NTNG2: variants seen among roughly 807,000 people sequenced by gnomAD.
NTNG2 encodes netrin-G2.
Under a neutral mutation model 47.6 loss-of-function variants are expected in NTNG2, and 15 were observed. That is an observed-to-expected ratio of 0.32 (90% CI 0.21 to 0.49). The LOEUF (loss-of-function observed/expected upper bound fraction) is 0.49. Among genes scored for constraint, NTNG2 ranks in the 20% least tolerant of loss-of-function variants. The probability of loss-of-function intolerance (pLI) is 0.99; values close to 1 mark genes in which losing one functional copy is unlikely to be tolerated. For missense variants in NTNG2, 578 were observed against 764.6 expected (o/e 0.76, Z 2.88); for synonymous variants, 307 against 324.6 (o/e 0.95, Z 0.58).
intron 1 of NTNG2, among the ~76,000 whole-genome samples, chr9:132,164,133 T>C (rs1418953458): frequency 1.3e-5 from 2 of 152,202 alleles, no homozygotes; most frequent in African/African-American, 4.8e-5. Flanking sequence ...AGCTCGTAAT[T>C]CCCCCTGCGA....
intron 2 of NTNG2, among the ~76,000 whole-genome samples, chr9:132,196,618 C>T (rs1178821454): frequency 6.6e-6 from 1 of 152,234 alleles, no homozygotes; most frequent in Non-Finnish European, 1.5e-5. Flanking sequence ...CTGGGGACCA[C>T]TACGTTAGTG....
chr9:132,166,731 G>A lies in NTNG2; in HGVS notation c.-101G>A. 9.0e-7 allele frequency: 1 copy of A among 1,115,628 alleles called. No homozygotes were observed. Among genetic ancestry groups the A allele is most frequent in the Admixed American group, 1.7e-5 (1 of 58,152 alleles). The allele number at this position is 1,115,628 out of a possible 1,614,324, so 69.1% of individuals were successfully genotyped here. A position where few individuals can be genotyped will look rare whatever the true frequency, so the allele number is the denominator to read the frequency against. On this transcript the variant is annotated 5_prime_UTR_variant, in exon 2 of 8. Coordinates refer to ENST00000393229, the MANE Select transcript of NTNG2 (RefSeq NM_032536.4). ...TGGGACACCCCGGCCACCCTCGCCT[G>A]GTAGATGTGGCATTTCCATGCTGAG...
intron 3 of NTNG2, among the ~76,000 whole-genome samples, chr9:132,204,486 G>C (rs1050400444): frequency 6.6e-6 from 1 of 152,052 alleles, no homozygotes; most frequent in Non-Finnish European, 1.5e-5. Flanking sequence ...AGAGACAGGC[G>C]ATTTCAGCCA....
chr9:132,236,335 C>T lies in NTNG2; in HGVS notation c.1055-2769C>T, dbSNP rs966834372. 2.6e-5 allele frequency among the ~76,000 whole-genome samples: 4 copies of T among 152,160 alleles called. No homozygotes were observed. Among genetic ancestry groups the T allele is most frequent in the African/African-American group, 4.8e-5 (2 of 41,436 alleles). On this transcript the variant is annotated intron_variant, in intron 5 of 7. Transcript: ENST00000393229. The surrounding 1 kb of genome is among the most constrained non-coding windows in gnomAD (Gnocchi z 4.3). ...GGAAGACACTGACATCCTCCTGCTA[C>T]GTGGGAGGAGACACAGGGCTCATCT... is the stretch of plus-strand genomic sequence containing the variant.
chr9:132,166,809 G>A lies in NTNG2; in HGVS notation c.-23G>A, dbSNP rs147944672. 688 of 1,611,342 alleles carry A rather than the reference G, an allele frequency of 4.3e-4. 8 individuals are homozygous for A. The East Asian group carries it at 0.014, about 33-fold the overall frequency. On this transcript the variant is annotated 5_prime_UTR_variant, in exon 2 of 8. Coordinates refer to ENST00000393229, the MANE Select transcript of NTNG2 (RefSeq NM_032536.4). ...TGCCTCTCCAGGGCTTCTCTGGGCC[G>A]CGCCTCTGCAGACTGCGCAGCCATG...
rs201159599 is a variant in NTNG2 at position 132,166,825 on chromosome 9, C to A, written c.-7C>A. ...CTCTGGGCCGCGCCTCTGCAGACTG[C>A]GCAGCCATGCTGCATCTGCTGGCGC... On this transcript the variant is annotated 5_prime_UTR_variant, in exon 2 of 8. Transcript: ENST00000393229. 1.2e-6 allele frequency: 2 copies of A among 1,613,120 alleles called. No individual in the cohort carries two copies. The highest frequency in any genetic ancestry group is 1.7e-6 in the Non-Finnish European group (2 of 1,179,566).
intron 2 of NTNG2, among the ~76,000 whole-genome samples, chr9:132,174,142 C>T (rs1375133934): frequency 7.6e-6 from 1 of 131,754 alleles, no homozygotes; most frequent in Non-Finnish European, 1.5e-5. Flanking sequence ...ATAGGCAGGC[C>T]GCACCATGCT....
intron 2 of NTNG2, among the ~76,000 whole-genome samples, chr9:132,188,490 G>A (rs1449264230): frequency 6.6e-6 from 1 of 152,176 alleles, no homozygotes; most frequent in Admixed American, 6.5e-5. Flanking sequence ...AGCTGCTGCC[G>A]AGCCGCATGA....
At chr9:132,227,139 G>A in intron 4 of NTNG2, 118 bp downstream of exon 4, 1 of 1,102,440 alleles carries the variant, frequency 9.1e-7, no homozygotes, top group Non-Finnish European at 1.3e-6. Flanking sequence ...ACATACGTGT[G>A]CACATGCATG....
Position 132,198,596 on chromosome 9 carries a change from G to A in NTNG2, c.844G>A (p.Glu282Lys). The change falls in exon 3 of 8, where the codon GAG (glutamate) becomes AAG (lysine). Residue 282 changes from glutamate (E) to lysine (K), a missense_variant. Transcript: ENST00000393229. The part of the protein sequence containing the change: ...YKYFYAISNI[E>K]VIGRCKCNLH... ...GTACTTCTACGCCATCTCCAACATC[G>A]AGGTCATCGGCAGGTAAGGCCGGGG... 6.2e-7 allele frequency: 1 copy of A among 1,607,212 alleles called. No individual in the cohort carries two copies. The highest frequency in any genetic ancestry group is 1.3e-5 in the African/African-American group (1 of 74,954).
rs1439488540 is a variant in NTNG2, at chr9:132,162,997, G to GGGC, written c.-484+768_-484+770dup. Reference sequence around the variant, plus strand: ...GGAGTAAGTTGGCCGTCTGGGCTGGGGGCGGCGGCGGCCGGGTCGCCACAG... The same window carrying GGGC: ...GGAGTAAGTTGGCCGTCTGGGCTGGGGGCGGCGGCGGCGGCCGGGTCGCCACAG... On this transcript the variant is annotated intron_variant, in intron 1 of 7. Coordinates refer to ENST00000393229, the MANE Select transcript of NTNG2 (RefSeq NM_032536.4). The surrounding 1 kb of genome is among the most constrained non-coding windows in gnomAD (Gnocchi z 4.6). 1.3e-5 allele frequency among the ~76,000 whole-genome samples: 2 copies of GGGC among 152,144 alleles called. No individual in the cohort carries two copies. Among genetic ancestry groups the GGGC allele is most frequent in the Non-Finnish European group, 2.9e-5 (2 of 68,010 alleles).
Position 132,197,873 on chromosome 9 carries a change from C to A in NTNG2, c.214-93C>A. The A allele has an allele frequency of 1.6e-6, 2 of 1,253,588 alleles. No individual in the cohort carries two copies. The highest frequency in any genetic ancestry group is 2.2e-6 in the Non-Finnish European group (2 of 915,070). 77.7% of individuals were successfully genotyped at this position (1,253,588 alleles called of 1,614,324 possible). ...CCCTGTAGCCACAGAGCAGGTTTCT[C>A]GGTTCGCAGGCAGGGGCTAGGCCGC... On this transcript the variant is annotated intron_variant, in intron 2 of 7. Coordinates refer to ENST00000393229, the MANE Select transcript of NTNG2 (RefSeq NM_032536.4). The surrounding 1 kb of genome is among the most constrained non-coding windows in gnomAD (Gnocchi z 4.3).
At chr9:132,205,873 T>G (rs1481700006) in intron 3 of NTNG2, among the ~76,000 whole-genome samples, 3 of 151,860 alleles carry the variant, frequency 2.0e-5, no homozygotes, top group Non-Finnish European at 1.5e-5. Flanking sequence ...AGAGAGAGAC[T>G]CCATCTCAAA....
At chr9:132,210,875 T>C (rs1054899404) in intron 3 of NTNG2, among the ~76,000 whole-genome samples, 7 of 151,748 alleles carry the variant, frequency 4.6e-5, no homozygotes, top group African/African-American at 7.3e-5. Context: ...GACTCACAGA[T>C]GCTCCCTTAG....
chr9:132,238,142 G>T (rs982918209), intron 5 of NTNG2, among the ~76,000 whole-genome samples: 1 of 146,740 alleles, frequency 6.8e-6, no homozygotes, highest in Non-Finnish European at 1.5e-5. Flanking sequence ...TTGCTGGAGG[G>T]TGGGTGGGTG....
intron 3 of NTNG2, among the ~76,000 whole-genome samples, chr9:132,209,727 A>T (rs1327162181): frequency 6.6e-6 from 1 of 152,060 alleles, no homozygotes; most frequent in Non-Finnish European, 1.5e-5. Flanking sequence ...AAAAGAGTGA[A>T]ATAGGGGTAA....
intron 3 of NTNG2, among the ~76,000 whole-genome samples, chr9:132,203,860 G>A (rs1313287958): frequency 6.6e-6 from 1 of 152,168 alleles, no homozygotes; most frequent in East Asian, 1.9e-4. Context: ...AGAAAACCCA[G>A]GAAGCTCCAG....
Position 132,230,584 on chromosome 9 carries a change from G to T in NTNG2, c.1043G>T (p.Gly348Val), listed in dbSNP as rs374939709. Reference sequence around the variant, plus strand: ...CTCTCTCCCACAGGTGCCACTGCAGGTTCCTTTGGCAGTAAGTACACGCCT... The same window carrying T: ...CTCTCTCCCACAGGTGCCACTGCAGTTTCCTTTGGCAGTAAGTACACGCCT... ...HGSPNACATA[G>V]SFGNCECYGH... is the part of the protein sequence containing the mutation. The change falls in exon 5 of 8, where the codon GGT becomes GTT. Residue 348 changes from glycine (G) to valine (V), a missense_variant. Gly to Val is a moderately radical substitution (Grantham distance 109, BLOSUM62 -3). Coordinates refer to ENST00000393229, the MANE Select transcript of NTNG2 (RefSeq NM_032536.4). 49 of 1,604,986 alleles carry T rather than the reference G, an allele frequency of 3.1e-5. No homozygotes were observed. The highest frequency in any genetic ancestry group is 3.9e-5 in the Non-Finnish European group (46 of 1,175,968).
At chr9:132,227,135 G>C in intron 4 of NTNG2, 114 bp downstream of exon 4, 1 of 1,146,570 alleles carries the variant, frequency 8.7e-7, no homozygotes, top group Non-Finnish European at 1.2e-6. Flanking sequence ...AGGCACATAC[G>C]TGTGCACATG....
Sources: gnomAD v4.1 joint callset for allele counts (sites outside exome capture counted in the v4.1 genomes callset) on GRCh38, gnomAD v4.1.1 for gene constraint, Gnocchi (gnomAD v3.1) non-coding constraint, MANE v1.5 for transcripts, NCBI Gene and HGNC (gene_info 2026-07-23, HGNC 2026-07-21) for gene names.